The following CTF1 variants were observed in gnomAD, a reference collection of about 807,000 sequenced individuals.
CTF1 encodes cardiotrophin 1, also known as cardiotrophin-1.
In CTF1, 9 loss-of-function variants were observed where a neutral mutation model predicts 10.9. The ratio of observed to expected loss-of-function variants is 0.83; its 90% CI spans 0.50 to 1.44. The LOEUF (loss-of-function observed/expected upper bound fraction) is 1.44. CTF1 is among the 40% of genes most tolerant of loss of function. CTF1 has a pLI of 0.00. For synonymous variants in CTF1, 133 were observed against 138.8 expected (o/e 0.96, Z 0.29); for missense variants, 259 against 275.3 (o/e 0.94, Z 0.42).
chr16:30,897,517 AG>A (rs1436668516), intron 1 of CTF1, among the ~76,000 whole-genome samples: 4 of 152,158 alleles, frequency 2.6e-5, no homozygotes, highest in Non-Finnish European at 5.9e-5. Flanking sequence ...CTTAAGTCAA[AG>A]GAAGGAGTTC....
Position 30,903,029 on chromosome 16 carries a change from A to T in CTF1, c.*490A>T, listed in dbSNP as rs1192139395. 6.5e-6 allele frequency: 1 copy of T among 152,818 alleles called. No homozygotes were observed. The highest frequency in any genetic ancestry group is 2.4e-5 in the African/African-American group (1 of 41,418). The allele number at this position is 152,818 out of a possible 1,614,324, so 9.5% of individuals were successfully genotyped here. ...TAACTCTTGGACCCTCCTCGTCTGC[A>T]TGGTAACTCCGTCTGAGTCTACCAT... is the stretch of plus-strand genomic sequence containing the variant. On this transcript the variant is annotated 3_prime_UTR_variant, in exon 3 of 3. Transcript: ENST00000279804.
intron 1 of CTF1, among the ~76,000 whole-genome samples, chr16:30,898,371 C>T (rs2055372500): frequency 6.6e-6 from 1 of 151,930 alleles, no homozygotes; most frequent in African/African-American, 2.4e-5. Context: ...CAGATGGTCC[C>T]GAACTCCTGA....
chr16:30,897,323 T>C (rs1361529546), intron 1 of CTF1, among the ~76,000 whole-genome samples: 1 of 152,230 alleles, frequency 6.6e-6, no homozygotes, highest in African/African-American at 2.4e-5. Flanking sequence ...TCAGTCTCCC[T>C]ATCTGTAAAA....
At chr16:30,896,260 C>T (rs1468366633), upstream of CTF1, among the ~76,000 whole-genome samples, 6 of 152,218 alleles carry the variant, frequency 3.9e-5, no homozygotes, top group Admixed American at 3.9e-4. Context: ...AGAGAGAGGG[C>T]CTGCGCATTC....
rs1446242408 is a variant in CTF1, at chr16:30,903,302, CT to C, written c.*764del. ...TGCTGGTCCTATGGGGGGAAGGCTA[CT>C]CTGCATCTCAGCCACCTTCCTCAGG... On this transcript the variant is annotated 3_prime_UTR_variant, in exon 3 of 3. Coordinates refer to ENST00000279804, the MANE Select transcript of CTF1 (RefSeq NM_001330.5). 1 of 153,334 alleles carries C rather than the reference CT, an allele frequency of 6.5e-6. No homozygotes were observed. Among genetic ancestry groups the C allele is most frequent in the African/African-American group, 2.4e-5 (1 of 41,406 alleles). The allele number at this position is 153,334 out of a possible 1,614,324, so 9.5% of individuals were successfully genotyped here.
In CTF1 at chr16:30,902,449, G is replaced by A. The variant is rs1009554008; in HGVS notation, c.516G>A (p.Val172=). 3 of 1,468,656 alleles carry A rather than the reference G, an allele frequency of 2.0e-6. No homozygotes were observed. In the African/African-American group the frequency reaches 4.4e-5, roughly 22 times the overall value. 91.0% of individuals were successfully genotyped at this position (1,468,656 alleles called of 1,614,324 possible). The change falls in exon 3 of 3, where the codon GTG becomes GTA. Residue 172 remains valine, a synonymous_variant. Transcript: ENST00000279804. ...CCACCGGGGTCTTCCCCGCCAAGGT[G>A]CTGGGGCTCCGCGTTTGCGGCCTCT... The part of the protein sequence containing the change: ...ASATGVFPAK[V]LGLRVCGLYR...
intron 2 of CTF1, among the ~76,000 whole-genome samples, chr16:30,899,784 C>A (rs570809480): frequency 6.6e-6 from 1 of 152,298 alleles, no homozygotes; most frequent in African/African-American, 2.4e-5. Flanking sequence ...GGAGGCCTCG[C>A]TCTGTCGCCC....
At position 30,902,484 on chromosome 16, in the gene CTF1, G is replaced by C; in HGVS notation, c.551G>C (p.Trp184Ser). 1 of 1,483,190 alleles carries C rather than the reference G, an allele frequency of 6.7e-7. No homozygotes were observed. The highest frequency in any genetic ancestry group is 1.3e-5 in the South Asian group (1 of 79,864). 91.9% of individuals were successfully genotyped at this position (1,483,190 alleles called of 1,614,324 possible). Residue 184 changes from tryptophan to serine, a missense_variant, in exon 3 of 3, where the codon TGG becomes TCG. Transcript: ENST00000279804. ...CGCGTTTGCGGCCTCTACCGCGAGT[G>C]GCTGAGCCGCACCGAGGGCGACCTG... ...GLRVCGLYRE[W>S]LSRTEGDLGQ...
chr16:30,897,079 G>C (rs1347281457), intron 1 of CTF1, among the ~76,000 whole-genome samples: 3 of 150,540 alleles, frequency 2.0e-5, no homozygotes. Flanking sequence ...GGAGACGAAA[G>C]TCTGGGCTGC....
chr16:30,902,363 G>C lies in CTF1; in HGVS notation c.430G>C (p.Gly144Arg). 1 of 1,174,080 alleles carries C rather than the reference G, an allele frequency of 8.5e-7. No homozygotes were observed. Among genetic ancestry groups the C allele is most frequent in the Non-Finnish European group, 1.0e-6 (1 of 953,826 alleles). The allele number at this position is 1,174,080 out of a possible 1,614,324, so 72.7% of individuals were successfully genotyped here. ...AAVEALLAAL[G>R]AANRGPRAEP... ...CGTGGAGGCCTTGCTGGCCGCGCTG[G>C]GCGCCGCCAACCGCGGGCCCCGGGC... Residue 144 changes from glycine (G) to arginine (R), a missense_variant, in exon 3 of 3, where the codon GGC becomes CGC. Gly to Arg is a moderately radical substitution (Grantham distance 125). Transcript: ENST00000279804.
At chr16:30,898,395 G>T (rs1164901555) in intron 1 of CTF1, among the ~76,000 whole-genome samples, 1 of 151,752 alleles carries the variant, frequency 6.6e-6, no homozygotes, top group Non-Finnish European at 1.5e-5. Context: ...CAAGTGATCC[G>T]CCCGCCTCAT....
In CTF1 at chr16:30,902,590, T is replaced by G. The variant is rs1345887692; in HGVS notation, c.*51T>G. On this transcript the variant is annotated 3_prime_UTR_variant, in exon 3 of 3. Coordinates refer to ENST00000279804, the MANE Select transcript of CTF1 (RefSeq NM_001330.5). ...TCCTCCCGCTGGGTTCCGTCTCTCC[T>G]TCCGCTTCTTTGTCTTTCTCTGCCG... 6.9e-7 allele frequency: 1 copy of G among 1,452,316 alleles called. No homozygotes were observed. Among genetic ancestry groups the G allele is most frequent in the Admixed American group, 2.3e-5 (1 of 43,588 alleles). 90.0% of individuals were successfully genotyped at this position (1,452,316 alleles called of 1,614,324 possible). A position where few individuals can be genotyped will look rare whatever the true frequency, so the allele number is the denominator to read the frequency against.
chr16:30,902,441 G>A lies in CTF1; in HGVS notation c.508G>A (p.Ala170Thr), dbSNP rs1415950855. The A allele has an allele frequency of 2.1e-6, 3 of 1,424,274 alleles. No homozygotes were observed. The highest frequency in any genetic ancestry group is 3.1e-5 in the East Asian group (1 of 32,572). The allele number at this position is 1,424,274 out of a possible 1,614,324, so 88.2% of individuals were successfully genotyped here. ...CGCCTCCGCCACCGGGGTCTTCCCC[G>A]CCAAGGTGCTGGGGCTCCGCGTTTG... ...SAASATGVFP[A>T]KVLGLRVCGL... The change falls in exon 3 of 3, where the codon GCC becomes ACC. Residue 170 changes from alanine to threonine, a missense_variant. Transcript: ENST00000279804.
At chr16:30,900,764 C>T (rs974156248) in intron 2 of CTF1, among the ~76,000 whole-genome samples, 3 of 152,148 alleles carry the variant, frequency 2.0e-5, no homozygotes, top group East Asian at 3.9e-4. Flanking sequence ...CCCTTGGCGA[C>T]AGTGTGAGAC....
chr16:30,901,189 A>G (rs1366662417), intron 2 of CTF1, among the ~76,000 whole-genome samples: 1 of 152,156 alleles, frequency 6.6e-6, no homozygotes, highest in African/African-American at 2.4e-5. Context: ...CACCGTGCCC[A>G]GCCCCACATT....
upstream of CTF1, chr16:30,896,461 AG>A: frequency 2.0e-6 from 1 of 507,856 alleles, no homozygotes; most frequent in Non-Finnish European, 3.1e-6. Context: ...TTCCCCCACT[AG>A]GCCCCACGGA....
intron 2 of CTF1, among the ~76,000 whole-genome samples, chr16:30,900,585 G>C (rs891008405): frequency 6.6e-6 from 1 of 151,946 alleles, no homozygotes. Flanking sequence ...GTAACACAGT[G>C]AGCCCTCATC....
intron 2 of CTF1, 24 bp downstream of exon 2, chr16:30,899,557 T>TTTGGGGGGGGGGGGG: frequency 3.7e-6 from 2 of 546,116 alleles, no homozygotes; most frequent in Non-Finnish European, 7.0e-6. Flanking sequence ...GGGGTGGGGG[T>TTTGGGGGGGGGGGGG]GCCGGGGGCC....
At chr16:30,897,896 T>C (rs1227393535) in intron 1 of CTF1, among the ~76,000 whole-genome samples, 1 of 152,080 alleles carries the variant, frequency 6.6e-6, no homozygotes, top group African/African-American at 2.4e-5. Context: ...AGTCTTTCTC[T>C]GTTGCCAGGC....
Sources: allele counts gnomAD v4.1 joint callset (sites outside exome capture counted in the v4.1 genomes callset), GRCh38; gene constraint gnomAD v4.1.1; transcripts MANE v1.5; gene names NCBI Gene and HGNC (gene_info 2026-07-23, HGNC 2026-07-21).